The following KDM4C variants were observed in gnomAD, a reference collection of about 807,000 sequenced individuals.
KDM4C encodes lysine demethylase 4C.
In KDM4C, 81 loss-of-function variants were observed where a neutral mutation model predicts 129.3. The ratio of observed to expected loss-of-function variants is 0.63; its 90% CI spans 0.52 to 0.75. The LOEUF is 0.75. Ranked by LOEUF, KDM4C falls within the 30% of genes least tolerant of loss-of-function variation. KDM4C has a pLI of 0.00. For synonymous variants in KDM4C, 573 were observed against 456.1 expected (o/e 1.26, Z -3.26); for missense variants, 1,457 against 1,304.0 (o/e 1.12, Z -1.81).
chr9:6,821,793 C>A (rs980353904), intron 4 of KDM4C, among the ~76,000 whole-genome samples: 1 of 152,092 alleles, frequency 6.6e-6, no homozygotes, highest in East Asian at 1.9e-4. Context: ...TGCCACCACA[C>A]CTGTCTAATT....
intron 1 of KDM4C, among the ~76,000 whole-genome samples, chr9:6,728,406 C>T (rs188585083): frequency 6.6e-5 from 10 of 151,926 alleles, no homozygotes; most frequent in East Asian, 5.8e-4. Context: ...CAGTGGAACG[C>T]GCCTGAAATC....
chr9:7,090,676 A>T (rs1835687778), intron 17 of KDM4C, among the ~76,000 whole-genome samples: 2 of 152,208 alleles, frequency 1.3e-5, no homozygotes, highest in South Asian at 4.1e-4. Flanking sequence ...GAACTGCAGA[A>T]TAGTCAAAAC....
chr9:7,018,444 C>A (rs1404619569), intron 15 of KDM4C, among the ~76,000 whole-genome samples: 3 of 152,192 alleles, frequency 2.0e-5, no homozygotes, highest in Non-Finnish European at 4.4e-5. Context: ...CTAATCTTGA[C>A]CATACAAATA....
chr9:6,929,675 T>G (rs1371797459), intron 8 of KDM4C, among the ~76,000 whole-genome samples: 3 of 151,922 alleles, frequency 2.0e-5, no homozygotes, highest in African/African-American at 7.3e-5. Context: ...AATTGTCTGG[T>G]TGAGGTCACT....
intron 19 of KDM4C, among the ~76,000 whole-genome samples, chr9:7,137,175 A>G (rs960619064): frequency 2.0e-5 from 3 of 152,180 alleles, no homozygotes; most frequent in African/African-American, 7.2e-5. Flanking sequence ...GAGTCAGGGC[A>G]TTGGCGCACC....
At chr9:7,077,241 A>T in intron 17 of KDM4C, 1 of 984,994 alleles carries the variant, frequency 1.0e-6, no homozygotes, top group Non-Finnish European at 1.2e-6. Flanking sequence ...AATATGGTGA[A>T]TTAAAGATGC....
chr9:7,107,855 TG>T (rs1258201092), intron 18 of KDM4C, among the ~76,000 whole-genome samples: 1 of 152,174 alleles, frequency 6.6e-6, no homozygotes. Context: ...TATTTGTTGT[TG>T]TTGTTGTTGT....
Position 6,806,717 on chromosome 9 carries a change from G to A in KDM4C, c.320+943G>A, listed in dbSNP as rs10975837. ...AGAGTGCTCCCCTTTCATGGCTTTTGATGGGGTCCTCAGTTCCTTGTCATA... is the reference window on the plus strand; with the variant it reads ...AGAGTGCTCCCCTTTCATGGCTTTTAATGGGGTCCTCAGTTCCTTGTCATA... On this transcript the variant is annotated intron_variant, in intron 3 of 21. Transcript: ENST00000381309. Among the ~76,000 whole-genome samples, 1,125 of 152,102 alleles carry A rather than the reference G, an allele frequency of 7.4e-3. 10 individuals carry two copies. Among genetic ancestry groups the A allele is most frequent in the Non-Finnish European group, 0.014 (938 of 67,966 alleles).
At position 7,011,682 on chromosome 9, in the gene KDM4C, T is replaced by C; in HGVS notation, c.1787-16T>C. 6.2e-7 allele frequency: 1 copy of C among 1,612,642 alleles called. No individual in the cohort carries two copies. The highest frequency in any genetic ancestry group is 1.1e-5 in the South Asian group (1 of 91,042). ...GGTTCCCATGCTCATGGTATTTTCCTGCCTTCTCCCTTAAGAATTGCCTGA... is the reference window on the plus strand; with the variant it reads ...GGTTCCCATGCTCATGGTATTTTCCCGCCTTCTCCCTTAAGAATTGCCTGA... On this transcript the variant is annotated splice_polypyrimidine_tract_variant and intron_variant, in intron 12 of 21. Transcript: ENST00000381309.
At chr9:7,092,081 A>G (rs762846344) in intron 17 of KDM4C, among the ~76,000 whole-genome samples, 9 of 152,212 alleles carry the variant, frequency 5.9e-5, no homozygotes. Flanking sequence ...TGGCAAACTG[A>G]AAAGAACTGA....
intron 18 of KDM4C, among the ~76,000 whole-genome samples, chr9:7,104,771 G>C (rs1328911061): frequency 6.6e-6 from 1 of 152,228 alleles, no homozygotes; most frequent in African/African-American, 2.4e-5. Flanking sequence ...GCTATTAGCA[G>C]CCTAACATGC....
Position 7,165,358 on chromosome 9 carries a change from G to C in KDM4C, c.2901+1G>C. On this transcript the variant is annotated splice_donor_variant, in intron 20 of 21. Coordinates refer to ENST00000381309, the MANE Select transcript of KDM4C (RefSeq NM_015061.6). LOFTEE classifies it high-confidence loss of function. ...ATCAAATATTGCCCACATGTACCAG[G>C]TGGGTTCTTCCTTCTCTGTGATGCT... 1 of 1,613,788 alleles carries C rather than the reference G, an allele frequency of 6.2e-7. No homozygotes were observed. The highest frequency in any genetic ancestry group is 8.5e-7 in the Non-Finnish European group (1 of 1,179,842).
chr9:6,892,454 T>G (rs1846232203), intron 7 of KDM4C, among the ~76,000 whole-genome samples: 1 of 152,176 alleles, frequency 6.6e-6, no homozygotes, highest in Non-Finnish European at 1.5e-5. Context: ...CATTTAAAAT[T>G]CTTTTTTAAA....
chr9:6,856,857 A>C (rs1334411880), intron 5 of KDM4C, among the ~76,000 whole-genome samples: 8 of 146,236 alleles, frequency 5.5e-5, no homozygotes, highest in Non-Finnish European at 1.2e-4. Flanking sequence ...TCCCGGGTTC[A>C]CGCCATTCTC....
At chr9:6,994,513 G>A (rs1819340576) in intron 12 of KDM4C, among the ~76,000 whole-genome samples, 1 of 152,128 alleles carries the variant, frequency 6.6e-6, no homozygotes, top group African/African-American at 2.4e-5. Context: ...GTCTGTCCGT[G>A]TATCTGTCTC....
At chr9:6,841,913 C>T (rs1837000113) in intron 4 of KDM4C, among the ~76,000 whole-genome samples, 2 of 152,220 alleles carry the variant, frequency 1.3e-5, no homozygotes, top group African/African-American at 2.4e-5. Flanking sequence ...CTAGATCCTA[C>T]TTATCCTGGA....
At chr9:6,769,450 C>G (rs915280047) in intron 1 of KDM4C, among the ~76,000 whole-genome samples, 20 of 151,948 alleles carry the variant, frequency 1.3e-4, no homozygotes, top group African/African-American at 4.8e-4. Context: ...GTTCATTGCA[C>G]CTATTTGCTG....
chr9:6,807,641 C>T (rs1209516197), intron 3 of KDM4C, among the ~76,000 whole-genome samples: 1 of 149,056 alleles, frequency 6.7e-6, no homozygotes, highest in Non-Finnish European at 1.5e-5. Flanking sequence ...ATACCCTCTG[C>T]CTGGCAACCA....
At chr9:7,148,301 TCTC>T (rs779402014) in intron 19 of KDM4C, among the ~76,000 whole-genome samples, 14 of 152,118 alleles carry the variant, frequency 9.2e-5, no homozygotes, top group Non-Finnish European at 1.6e-4. Flanking sequence ...GCAGCTTTTC[TCTC>T]CTCCTTGCCC....
Sources: allele counts gnomAD v4.1 joint callset (sites outside exome capture counted in the v4.1 genomes callset), GRCh38; gene constraint gnomAD v4.1.1; transcripts MANE v1.5; gene names NCBI Gene and HGNC (gene_info 2026-07-23, HGNC 2026-07-21).